ABI3BP: variants seen among roughly 807,000 people sequenced by gnomAD.
ABI3BP encodes the protein target of Nesh-SH3.
A neutral mutation model predicts 268.6 loss-of-function variants in ABI3BP; 216 were observed. That is an observed-to-expected ratio of 0.80 (90% CI 0.72 to 0.90). ABI3BP has a LOEUF of 0.90. Among genes scored for constraint, ABI3BP ranks in the 40% least tolerant of loss-of-function variants. The pLI, the probability that ABI3BP is intolerant of heterozygous loss-of-function variation, is 0.00. For synonymous variants in ABI3BP, 730 were observed against 730.0 expected, an observed-to-expected ratio of 1.00 and a Z score of 0.00; for missense variants, 2,090 against 2,182.4, an observed-to-expected ratio of 0.96 and a Z score of 0.84.
Position 100,792,682 on chromosome 3 carries a change from G to A in ABI3BP, c.4024+9C>T, listed in dbSNP as rs754252463. On this transcript the variant is annotated intron_variant, in intron 55 of 67. Transcript: ENST00000471714. The stretch of plus-strand genomic sequence containing the variant: ...AAAGTTATTCTCCAGAGGTAGGGGA[G>A]AGGATTACCCTGAGTTGTCTTTGCT... The A allele has an allele frequency of 6.2e-7, 1 of 1,609,440 alleles. No individual in the cohort carries two copies. Among genetic ancestry groups the A allele is most frequent in the Non-Finnish European group, 8.5e-7 (1 of 1,176,620 alleles).
chr3:100,778,582 C>A, intron 58 of ABI3BP: 1 of 584,844 alleles, frequency 1.7e-6, no homozygotes, highest in Non-Finnish European at 3.0e-6. Flanking sequence ...GACAACAACG[C>A]ACTGTAGTAT....
intron 26 of ABI3BP, 66 bp downstream of exon 26, chr3:100,838,144 G>A: frequency 6.9e-7 from 1 of 1,444,852 alleles, no homozygotes; most frequent in South Asian, 1.2e-5. Flanking sequence ...TGACAGATTG[G>A]AAACATTTTC....
In ABI3BP at chr3:100,882,061, G is replaced by GT. The variant is rs1359654850; in HGVS notation, c.696+3474dup. 2.6e-5 allele frequency among the ~76,000 whole-genome samples: 4 copies of GT among 152,172 alleles called. No homozygotes were observed. The East Asian group carries it at 5.8e-4, about 22-fold the overall frequency. On this transcript the variant is annotated intron_variant, in intron 6 of 67. Transcript: ENST00000471714. ...AAATGGACAGCCTACAGTTCAAGTT[G>GT]TTTTTTTCCATTCCGAATACCTCTT...
intron 1 of ABI3BP, among the ~76,000 whole-genome samples, chr3:100,981,560 G>A (rs145901574): frequency 2.0e-5 from 3 of 152,200 alleles, no homozygotes; most frequent in Non-Finnish European, 4.4e-5. Context: ...AGGCATCCAG[G>A]AGCAGGCTAA....
At chr3:100,967,339 C>CA (rs1218417121) in intron 1 of ABI3BP, among the ~76,000 whole-genome samples, 1 of 151,580 alleles carries the variant, frequency 6.6e-6, no homozygotes, top group Non-Finnish European at 1.5e-5. Context: ...TTGTCTCTGT[C>CA]AAAAATACAA....
intron 4 of ABI3BP, among the ~76,000 whole-genome samples, chr3:100,894,662 G>A (rs1021855411): frequency 2.6e-5 from 4 of 151,992 alleles, no homozygotes; most frequent in South Asian, 2.1e-4. Flanking sequence ...AAACACGGCC[G>A]GGCGCGGTGG....
chr3:100,879,718 T>TA (rs2099206553), intron 6 of ABI3BP, among the ~76,000 whole-genome samples: 1 of 152,166 alleles, frequency 6.6e-6, no homozygotes, highest in East Asian at 1.9e-4. Context: ...TGCCAAAAAT[T>TA]AAAAAATCAT....
chr3:100,763,466 A>G (rs574980214), intron 63 of ABI3BP, among the ~76,000 whole-genome samples: 8 of 150,962 alleles, frequency 5.3e-5, no homozygotes, highest in East Asian at 3.9e-4. Context: ...TCTGTCTCAA[A>G]AAAAAAAAAA....
intron 50 of ABI3BP, among the ~76,000 whole-genome samples, chr3:100,806,624 C>A (rs910426303): frequency 1.3e-5 from 2 of 152,072 alleles, no homozygotes; most frequent in Non-Finnish European, 2.9e-5. Flanking sequence ...CATTAAGTAG[C>A]ACTGACAAAG....
At chr3:100,932,267 G>A (rs750658421) in intron 1 of ABI3BP, among the ~76,000 whole-genome samples, 22 of 151,872 alleles carry the variant, frequency 1.4e-4, no homozygotes, top group Non-Finnish European at 2.9e-4. Context: ...AAAATCTAGG[G>A]CGTATCATTC....
intron 4 of ABI3BP, among the ~76,000 whole-genome samples, chr3:100,898,232 C>G (rs1274569594): frequency 6.6e-6 from 1 of 152,216 alleles, no homozygotes; most frequent in Non-Finnish European, 1.5e-5. Flanking sequence ...CAGTGGGCAT[C>G]AAAACCACCT....
intron 25 of ABI3BP, 48 bp downstream of exon 25, chr3:100,838,354 C>A (rs2152891325): frequency 1.3e-6 from 2 of 1,527,748 alleles, no homozygotes; most frequent in South Asian, 2.4e-5. Context: ...ATGTTACTTA[C>A]ACATTGTTTT....
chr3:100,777,617 G>A (rs1299354118), intron 59 of ABI3BP, among the ~76,000 whole-genome samples: 1 of 152,216 alleles, frequency 6.6e-6, no homozygotes, highest in Non-Finnish European at 1.5e-5. Flanking sequence ...CAGAGAAGCA[G>A]TGCCAAGACT....
chr3:100,796,362 T>G, intron 52 of ABI3BP, 47 bp downstream of exon 52: 1 of 1,446,562 alleles, frequency 6.9e-7, no homozygotes, highest in South Asian at 1.5e-5. Flanking sequence ...AATTTTTTTT[T>G]TTGAAAAATA....
intron 1 of ABI3BP, among the ~76,000 whole-genome samples, chr3:100,960,004 A>G (rs1298816511): frequency 6.6e-6 from 1 of 152,232 alleles, no homozygotes; most frequent in Non-Finnish European, 1.5e-5. Flanking sequence ...ATTATAACAC[A>G]CTGTCAAGAG....
rs899198989 is a variant in ABI3BP, at chr3:100,838,558, TC to T, written c.1946-95del. 7.7e-6 allele frequency: 8 copies of T among 1,044,664 alleles called. No homozygotes were observed. The African/African-American group carries it at 1.3e-4, about 17-fold the overall frequency. The allele number at this position is 1,044,664 out of a possible 1,614,324, so 64.7% of individuals were successfully genotyped here. On this transcript the variant is annotated intron_variant, in intron 24 of 67. Coordinates refer to ENST00000471714, the MANE Select transcript of ABI3BP (RefSeq NM_001375547.2). ...TGCAGAACAAAGACACTATATAAAT[TC>T]AACGAATCTATAAACATTTCTGGGG...
At chr3:100,819,574 T>TTAA (rs1314289601) in intron 40 of ABI3BP, among the ~76,000 whole-genome samples, 1 of 152,186 alleles carries the variant, frequency 6.6e-6, no homozygotes, top group Non-Finnish European at 1.5e-5. Context: ...TAGAAGGCAC[T>TTAA]TAATTTTTTT....
Position 100,768,174 on chromosome 3 carries a change from C to T in ABI3BP, c.4742-2225G>A, listed in dbSNP as rs2096383235. 2.0e-5 allele frequency among the ~76,000 whole-genome samples: 3 copies of T among 149,952 alleles called. No individual in the cohort carries two copies. The Admixed American group carries it at 2.0e-4, about 10-fold the overall frequency. On this transcript the variant is annotated intron_variant, in intron 62 of 67. Coordinates refer to ENST00000471714, the MANE Select transcript of ABI3BP (RefSeq NM_001375547.2). ...CGCCATCTCGGCTCACTGCAAGCTC[C>T]GCCTCCTGGGTTCACTCCATTCTCC... is the stretch of plus-strand genomic sequence containing the variant.
chr3:100,982,022 A>C (rs564789786), intron 1 of ABI3BP, among the ~76,000 whole-genome samples: 2 of 152,316 alleles, frequency 1.3e-5, no homozygotes, highest in Non-Finnish European at 2.9e-5. Context: ...ATGGCTGGGG[A>C]GGCCTCAGGA....
Sources: gnomAD v4.1 joint callset for allele counts (sites outside exome capture counted in the v4.1 genomes callset) on GRCh38, gnomAD v4.1.1 for gene constraint, MANE v1.5 for transcripts, NCBI Gene and HGNC (gene_info 2026-07-23, HGNC 2026-07-21) for gene names.